Variants in GLRA3 observed in about 807,000 individuals in gnomAD.
GLRA3 encodes the protein glycine receptor subunit alpha-3.
GLRA3 carries 44 observed loss-of-function variants against 60.4 expected under a neutral mutation model. The observed-to-expected ratio is 0.73, with a 90% CI of 0.57 to 0.94. The LOEUF (loss-of-function observed/expected upper bound fraction) is 0.94. Ranked by LOEUF, GLRA3 falls within the 40% of genes least tolerant of loss-of-function variation. The pLI, the probability that GLRA3 is intolerant of heterozygous loss-of-function variation, is 0.00. For synonymous variants in GLRA3, 223 were observed against 192.9 expected (o/e 1.16, Z -1.29); for missense variants, 508 against 564.6 (o/e 0.90, Z 1.02).
At chr4:174,818,414 C>T (rs543620666) in intron 1 of GLRA3, among the ~76,000 whole-genome samples, 13 of 152,160 alleles carry the variant, frequency 8.5e-5, no homozygotes, top group Admixed American at 2.6e-4. Flanking sequence ...ATGATATGTA[C>T]TTTGCCCTTT....
At chr4:174,659,424 A>T (rs1579400353) in intron 7 of GLRA3, among the ~76,000 whole-genome samples, 1 of 152,306 alleles carries the variant, frequency 6.6e-6, no homozygotes, top group African/African-American at 2.4e-5. Context: ...CCCAAACACG[A>T]TGAAAGAAAA....
chr4:174,706,582 T>C (rs1735528798), intron 5 of GLRA3, among the ~76,000 whole-genome samples: 1 of 152,152 alleles, frequency 6.6e-6, no homozygotes, highest in Non-Finnish European at 1.5e-5. Context: ...ATATTGAAGT[T>C]GAAAATGCAA....
chr4:174,793,932 A>G (rs929944300), intron 1 of GLRA3, among the ~76,000 whole-genome samples: 3 of 152,044 alleles, frequency 2.0e-5, no homozygotes, highest in Non-Finnish European at 4.4e-5. Context: ...AATTAATTTT[A>G]GATTTAAGAT....
At chr4:174,695,865 C>G (rs1024548206) in intron 5 of GLRA3, among the ~76,000 whole-genome samples, 1 of 151,994 alleles carries the variant, frequency 6.6e-6, no homozygotes, top group Admixed American at 6.6e-5. Flanking sequence ...AAAAGTTCCT[C>G]CAGCTGATAA....
chr4:174,726,362 A>T (rs921589764), intron 4 of GLRA3, among the ~76,000 whole-genome samples: 5 of 152,112 alleles, frequency 3.3e-5, no homozygotes, highest in Non-Finnish European at 7.4e-5. Flanking sequence ...CCTCAATACC[A>T]CCTGGTAAGA....
chr4:174,655,130 A>G (rs778666267), intron 9 of GLRA3, among the ~76,000 whole-genome samples: 19 of 152,252 alleles, frequency 1.2e-4, no homozygotes, highest in South Asian at 4.1e-4. Context: ...GTACTGAAGA[A>G]AATTCATGTA....
chr4:174,799,312 G>A (rs565929254), intron 1 of GLRA3, among the ~76,000 whole-genome samples: 22 of 152,220 alleles, frequency 1.4e-4, no homozygotes, highest in South Asian at 8.3e-4. Context: ...CAAAGCTTCC[G>A]CTTAAAGCAA....
intron 7 of GLRA3, among the ~76,000 whole-genome samples, chr4:174,661,192 C>T (rs933883170): frequency 1.3e-5 from 2 of 152,132 alleles, no homozygotes; most frequent in African/African-American, 4.8e-5. Flanking sequence ...TTCACACACA[C>T]ACATAAAATG....
chr4:174,822,494 A>G (rs73010216), intron 1 of GLRA3, among the ~76,000 whole-genome samples: 1 of 152,310 alleles, frequency 6.6e-6, no homozygotes, highest in African/African-American at 2.4e-5. Context: ...CTAATTAAAA[A>G]CAATAAATAT....
chr4:174,652,606 T>G (rs1183761853), intron 9 of GLRA3, among the ~76,000 whole-genome samples: 1 of 152,138 alleles, frequency 6.6e-6, no homozygotes, highest in Admixed American at 6.6e-5. Context: ...GTCATTATGC[T>G]TCTATATCAT....
intron 3 of GLRA3, among the ~76,000 whole-genome samples, chr4:174,749,289 A>T (rs1322408210): frequency 6.6e-6 from 1 of 152,096 alleles, no homozygotes; most frequent in East Asian, 1.9e-4. Flanking sequence ...TTTTATAAAC[A>T]TCTGATTCCC....
intron 7 of GLRA3, among the ~76,000 whole-genome samples, 157 bp downstream of exon 7, chr4:174,676,921 G>T (rs1256355008): frequency 6.6e-6 from 1 of 152,008 alleles, no homozygotes; most frequent in Non-Finnish European, 1.5e-5. Flanking sequence ...ATTTATTTCT[G>T]TTTTACATGT....
intron 3 of GLRA3, among the ~76,000 whole-genome samples, chr4:174,739,818 G>T (rs183780832): frequency 6.6e-6 from 1 of 152,052 alleles, no homozygotes; most frequent in Non-Finnish European, 1.5e-5. Flanking sequence ...GAGCCAACAC[G>T]GTAAAGTCAA....
rs147366530 is a variant in GLRA3 at position 174,673,031 on chromosome 4, G to A, written c.927+4047C>T. 8.3e-3 allele frequency among the ~76,000 whole-genome samples: 1,265 copies of A among 152,080 alleles called. 17 individuals are homozygous for A. Among genetic ancestry groups the A allele is most frequent in the African/African-American group, 0.029 (1,213 of 41,488 alleles). ...ATAAGGTATGCATAGTGACACTTGTGTACTTCTGCAGATGATATGAAACAT... is the reference window on the plus strand; with the variant it reads ...ATAAGGTATGCATAGTGACACTTGTATACTTCTGCAGATGATATGAAACAT... On this transcript the variant is annotated intron_variant, in intron 7 of 9. Transcript: ENST00000274093.
intron 5 of GLRA3, among the ~76,000 whole-genome samples, chr4:174,710,965 A>G (rs1735698524): frequency 6.6e-6 from 1 of 151,942 alleles, no homozygotes; most frequent in Non-Finnish European, 1.5e-5. Context: ...TTGTATCTAG[A>G]AATTTTGATA....
At chr4:174,727,238 A>G (rs1041773856) in intron 4 of GLRA3, among the ~76,000 whole-genome samples, 1 of 152,236 alleles carries the variant, frequency 6.6e-6, no homozygotes, top group African/African-American at 2.4e-5. Flanking sequence ...CTTTGCAGAA[A>G]AAAACATTTT....
At chr4:174,755,227 T>A (rs1315221012) in intron 3 of GLRA3, among the ~76,000 whole-genome samples, 1 of 152,126 alleles carries the variant, frequency 6.6e-6, no homozygotes, top group African/African-American at 2.4e-5. Flanking sequence ...AAATACATGC[T>A]TACATATATT....
In GLRA3 at chr4:174,711,429, T is replaced by TTA. The variant is rs199542230; in HGVS notation, c.574+4057_574+4058dup. 2.8e-3 allele frequency among the ~76,000 whole-genome samples: 404 copies of TTA among 143,502 alleles called. 1 individual carries two copies. The highest frequency in any genetic ancestry group is 3.9e-3 in the African/African-American group (154 of 39,688). 94.1% of individuals were successfully genotyped at this position (143,502 alleles called of 152,430 possible). Reference sequence around the variant, plus strand: ...TGGTTACATACTTAGATTTTCCTAATTATATATATATATATATTTTTTTTT... The same window carrying TTA: ...TGGTTACATACTTAGATTTTCCTAATTATATATATATATATATATTTTTTTTT... On this transcript the variant is annotated intron_variant, in intron 5 of 9. Coordinates refer to ENST00000274093, the MANE Select transcript of GLRA3 (RefSeq NM_006529.4).
At chr4:174,776,234 T>A (rs1303573956) in intron 2 of GLRA3, among the ~76,000 whole-genome samples, 1 of 152,150 alleles carries the variant, frequency 6.6e-6, no homozygotes, top group African/African-American at 2.4e-5. Context: ...GACCCAAGAA[T>A]AATGCCTAGT....
Sources: allele counts gnomAD v4.1 joint callset (sites outside exome capture counted in the v4.1 genomes callset), GRCh38; gene constraint gnomAD v4.1.1; transcripts MANE v1.5; gene names NCBI Gene and HGNC (gene_info 2026-07-23, HGNC 2026-07-21).